The following SAGE1 variants were observed in gnomAD, a reference collection of about 807,000 sequenced individuals.
The protein encoded by SAGE1 is sarcoma antigen 1.
In SAGE1, 55 loss-of-function variants were observed where a neutral mutation model predicts 55.4. That is an observed-to-expected ratio of 0.99 (90% CI 0.80 to 1.24). SAGE1 has a LOEUF of 1.24. SAGE1 is among the 50% of genes most tolerant of loss of function. SAGE1 has a pLI of 0.00. For synonymous variants in SAGE1, 240 were observed against 244.3 expected (o/e 0.98, Z 0.17); for missense variants, 710 against 704.4 (o/e 1.01, Z -0.09).
In SAGE1 at chrX:135,907,027, G is replaced by A. The variant is rs782287676; in HGVS notation, c.838G>A (p.Ala280Thr). ...TGCTTCAACAGGGCTTATTAATGTG[G>A]CAGGAGCTGGTACTCCAGCCATCAG... Reference protein sequence around the residue: ...STASTGLINVAGAGTPAISTN... With the variant: ...STASTGLINVTGAGTPAISTN... Residue 280 changes from alanine (A) to threonine (T), a missense_variant, in exon 8 of 20, where the codon GCA becomes ACA. Physicochemically the swap from Ala to Thr is moderately conservative, Grantham distance 58. Coordinates refer to ENST00000370709, the MANE Select transcript of SAGE1 (RefSeq NM_001381902.1). 5.0e-6 allele frequency: 6 copies of A among 1,210,025 alleles called. No individual in the cohort carries two copies. The highest frequency in any genetic ancestry group is 6.7e-6 in the Non-Finnish European group (6 of 894,327).
At chrX:135,896,373 C>T (rs369021842) in intron 2 of SAGE1, 44 bp downstream of exon 2, 51 of 876,531 alleles carry the variant, frequency 5.8e-5, no homozygotes, top group Middle Eastern at 5.5e-4. Context: ...TGACATTCTT[C>T]GTATAATTAT....
chrX:135,901,817 A>G, intron 3 of SAGE1, 126 bp downstream of exon 3: 2 of 659,382 alleles, frequency 3.0e-6, no homozygotes, highest in Non-Finnish European at 2.3e-6. Context: ...AGGTGCAACA[A>G]TTTGGAGTTG....
intron 3 of SAGE1, among the ~76,000 whole-genome samples, chrX:135,904,109 A>G (rs111896390): frequency 8.9e-6 from 1 of 111,752 alleles, no homozygotes; most frequent in African/African-American, 3.3e-5. Context: ...AATGTCCATG[A>G]AGAGAAGGTA....
At chrX:135,906,282 C>T in intron 6 of SAGE1, 118 bp downstream of exon 6, 2 of 1,061,001 alleles carry the variant, frequency 1.9e-6, no homozygotes, top group South Asian at 2.2e-5. Context: ...TGAGGGGTCT[C>T]ACATCACCAC....
Position 135,909,712 on chromosome X carries a change from A to G in SAGE1, c.1656A>G (p.Ser552=). The G allele has an allele frequency of 8.3e-7, 1 of 1,204,168 alleles. No homozygotes were observed. Among genetic ancestry groups the G allele is most frequent in the Non-Finnish European group, 1.1e-6 (1 of 890,046 alleles). Residue 552 remains serine, a synonymous_variant, in exon 14 of 20, where the codon TCA becomes TCG. Transcript: ENST00000370709. ...AACCACAACCTAGTTATGACTTGTC[A>G]ACTGTTCTACCAGGACTTACTTATT... is the stretch of plus-strand genomic sequence containing the variant. ...NNQPQPSYDL[S]TVLPGLTYLT... is the part of the protein sequence containing the mutation.
intron 3 of SAGE1, among the ~76,000 whole-genome samples, chrX:135,902,557 A>G (rs2088697638): frequency 8.9e-6 from 1 of 112,204 alleles, no homozygotes; most frequent in African/African-American, 3.2e-5. Flanking sequence ...GTTTGCAGCT[A>G]TCCATCGGGC....
rs2088846348 is a variant in SAGE1, at chrX:135,908,885, T to C, written c.1463T>C (p.Val488Ala). The C allele has an allele frequency of 8.3e-7, 1 of 1,207,238 alleles. No individual in the cohort carries two copies. The highest frequency in any genetic ancestry group is 1.1e-6 in the Non-Finnish European group (1 of 893,883). The change falls in exon 13 of 20, where the codon GTT becomes GCT. Residue 488 changes from valine (V) to alanine (A), a missense_variant. Val to Ala is a moderately conservative substitution (Grantham distance 64). Transcript: ENST00000370709. ...RDLYATITHS[V>A]REEKMESGKP... is the part of the protein sequence containing the mutation. ...CCAGATGCTACCATTACTCACAGTG[T>C]TCGTGAAGAGAAGATGGAAAGTGGC...
chrX:135,904,553 T>C lies in SAGE1; in HGVS notation c.297T>C (p.Thr99=). ...CAGTAGCTGATAATGTCTTGTCAAC[T>C]GCTCCACCATGGCCTGGTAATATGG... ...GQPVADNVLS[T]APPWPDATIA... The change falls in exon 4 of 20, where the codon ACT becomes ACC. Residue 99 remains threonine, a synonymous_variant. Transcript: ENST00000370709. 1 of 1,183,501 alleles carries C rather than the reference T, an allele frequency of 8.4e-7. No homozygotes were observed. Among genetic ancestry groups the C allele is most frequent in the East Asian group, 3.0e-5 (1 of 33,647 alleles).
intron 4 of SAGE1, 130 bp from the exon 5 acceptor site, chrX:135,905,122 C>A: frequency 1.6e-6 from 1 of 628,956 alleles, no homozygotes; most frequent in Non-Finnish European, 2.4e-6. Flanking sequence ...TAAGTGGACT[C>A]AAATCATTAT....
At chrX:135,901,724 A>G in intron 3 of SAGE1, 33 bp downstream of exon 3, 5 of 1,166,169 alleles carry the variant, frequency 4.3e-6, no homozygotes, top group Non-Finnish European at 4.6e-6. Flanking sequence ...GGCCTCAACC[A>G]TGTCAAAGGA....
intron 2 of SAGE1, among the ~76,000 whole-genome samples, chrX:135,897,824 C>T (rs782368426): frequency 8.2e-5 from 9 of 109,747 alleles, no homozygotes; most frequent in Non-Finnish European, 1.7e-4. Flanking sequence ...TGCATTCCCT[C>T]CCCCAACTCC....
At position 135,908,845 on chromosome X, in the gene SAGE1, C is replaced by G. The variant is rs370019662; in HGVS notation, c.1442-19C>G. 1.8e-4 allele frequency: 222 copies of G among 1,204,457 alleles called. No individual in the cohort carries two copies. Among genetic ancestry groups the G allele is most frequent in the Non-Finnish European group, 8.9e-5 (79 of 892,033 alleles). On this transcript the variant is annotated intron_variant, in intron 12 of 19. Coordinates refer to ENST00000370709, the MANE Select transcript of SAGE1 (RefSeq NM_001381902.1). ...TAATGCACGTACCTCACAGCTTGAC[C>G]TCTCCCTTTGGTTTCCAGATGCTAC...
rs1556600109 is a variant in SAGE1 at position 135,905,409 on chromosome X, G to A, written c.454+17G>A. The A allele has an allele frequency of 8.5e-7, 1 of 1,174,498 alleles. No homozygotes were observed. The highest frequency in any genetic ancestry group is 1.2e-6 in the Non-Finnish European group (1 of 868,404). On this transcript the variant is annotated intron_variant, in intron 5 of 19. Transcript: ENST00000370709. Reference sequence around the variant, plus strand: ...GGGATCTGCGTATGTCTGCTAATTAGTTGTACTGTCATACTTGTTTTCCAT... The same window carrying A: ...GGGATCTGCGTATGTCTGCTAATTAATTGTACTGTCATACTTGTTTTCCAT...
At chrX:135,896,780 G>A (rs1603122813) in intron 2 of SAGE1, among the ~76,000 whole-genome samples, 1 of 110,060 alleles carries the variant, frequency 9.1e-6, no homozygotes, top group African/African-American at 3.3e-5. Context: ...GGCTGCTCTC[G>A]AACTCCCGAC....
intron 12 of SAGE1, 74 bp from the exon 13 acceptor site, chrX:135,908,790 C>A (rs1446116263): frequency 1.8e-6 from 2 of 1,130,174 alleles, no homozygotes; most frequent in South Asian, 2.0e-5. Flanking sequence ...AAAAATTCAT[C>A]ATCAGTGGGA....
chrX:135,908,902 G>T lies in SAGE1; in HGVS notation c.1480G>T (p.Glu494Ter). Reference protein sequence around the residue: ...ITHSVREEKMESGKPQTDKVI... With the variant: ...ITHSVREEKM ...TCACAGTGTTCGTGAAGAGAAGATG[G>T]AAAGTGGCAAACCCCAAACTGATAA... The change falls in exon 13 of 20, where the codon GAA (glutamate) becomes TAA (stop). Residue 494 changes from glutamate (E) to a stop codon, truncating the protein, a stop_gained. Transcript: ENST00000370709. LOFTEE classifies it high-confidence loss of function. The T allele has an allele frequency of 2.5e-6, 3 of 1,209,462 alleles. No individual in the cohort carries two copies. In the South Asian group the frequency reaches 5.3e-5, roughly 21 times the overall value.
intron 18 of SAGE1, 77 bp downstream of exon 18, chrX:135,912,030 C>A (rs1556606901): frequency 8.7e-7 from 1 of 1,148,338 alleles, no homozygotes; most frequent in Admixed American, 2.7e-5. Context: ...AATTGAGCTG[C>A]CTCTTGAGCT....
rs1454323900 is a variant in SAGE1, at chrX:135,908,920, A to C, written c.1498A>C (p.Thr500Pro). Residue 500 changes from threonine to proline, a missense_variant, in exon 13 of 20, where the codon ACT (threonine) becomes CCT (proline). Transcript: ENST00000370709. ...EEKMESGKPQ[T>P]DKVISNDAPQ... ...GAAGATGGAAAGTGGCAAACCCCAA[A>C]CTGATAAGGTCATATCAAATGATGC... 1 of 1,208,508 alleles carries C rather than the reference A, an allele frequency of 8.3e-7. No individual in the cohort carries two copies. Among genetic ancestry groups the C allele is most frequent in the African/African-American group, 1.7e-5 (1 of 57,506 alleles).
rs369994924 is a variant in SAGE1 at position 135,896,225 on chromosome X, T to A, written c.1-18T>A. ...TGTTCTAGTAACACACATAGTTAAT[T>A]ATGAGGACTATCTGCAGATGCAGGC... On this transcript the variant is annotated intron_variant, in intron 1 of 19. Transcript: ENST00000370709. The A allele has an allele frequency of 8.9e-7, 1 of 1,124,646 alleles. No individual in the cohort carries two copies. The highest frequency in any genetic ancestry group is 1.2e-6 in the Non-Finnish European group (1 of 817,422). 92.7% of individuals were successfully genotyped at this position (1,124,646 alleles called of 1,213,427 possible).
Sources: allele counts gnomAD v4.1 joint callset (sites outside exome capture counted in the v4.1 genomes callset), GRCh38; gene constraint gnomAD v4.1.1; transcripts MANE v1.5; gene names NCBI Gene and HGNC (gene_info 2026-07-23, HGNC 2026-07-21).